The following SENP7 variants were observed in gnomAD, a reference collection of about 807,000 sequenced individuals.
The protein encoded by SENP7 is SUMO specific peptidase 7, also known as sentrin-specific protease 7.
SENP7 carries 64 observed loss-of-function variants against 141.2 expected under a neutral mutation model. The ratio of observed to expected loss-of-function variants is 0.45; its 90% CI spans 0.37 to 0.56. The LOEUF (loss-of-function observed/expected upper bound fraction) is 0.56. Ranked by LOEUF, SENP7 falls within the 20% of genes least tolerant of loss-of-function variation. The probability of loss-of-function intolerance (pLI) is 0.00; values close to 1 mark genes in which losing one functional copy is unlikely to be tolerated. For synonymous variants in SENP7, 382 were observed against 426.4 expected (o/e 0.90, Z 1.28); for missense variants, 1,025 against 1,212.2 (o/e 0.85, Z 2.29).
At chr3:101,403,217 A>C (rs754856854) in intron 5 of SENP7, among the ~76,000 whole-genome samples, 1 of 152,254 alleles carries the variant, frequency 6.6e-6, no homozygotes, top group Non-Finnish European at 1.5e-5. Flanking sequence ...TAGTGAATAT[A>C]TAATTATGTT....
At chr3:101,411,786 ACAGTAT>A (rs2061464213) in intron 5 of SENP7, among the ~76,000 whole-genome samples, 1 of 152,202 alleles carries the variant, frequency 6.6e-6, no homozygotes, top group Non-Finnish European at 1.5e-5. Context: ...AAGTATGTAA[ACAGTAT>A]CAGTACGTAA....
At chr3:101,408,293 A>G (rs1038643159) in intron 5 of SENP7, among the ~76,000 whole-genome samples, 2 of 152,064 alleles carry the variant, frequency 1.3e-5, no homozygotes, top group African/African-American at 2.4e-5. Context: ...TAATTTAAAC[A>G]TTACCAACAA....
chr3:101,398,557 TC>T (rs1192823119), intron 6 of SENP7, among the ~76,000 whole-genome samples: 1 of 152,134 alleles, frequency 6.6e-6, no homozygotes, highest in African/African-American at 2.4e-5. Flanking sequence ...TAGACTAATG[TC>T]AGAGGAATGG....
chr3:101,335,935 G>A (rs2059173302), intron 17 of SENP7, among the ~76,000 whole-genome samples: 1 of 152,152 alleles, frequency 6.6e-6, no homozygotes, highest in African/African-American at 2.4e-5. Flanking sequence ...TTCCAAACCT[G>A]TAAAGACACT....
In SENP7 at chr3:101,417,577, A is replaced by G; in HGVS notation, c.482+16T>C. 6.3e-7 allele frequency: 1 copy of G among 1,594,742 alleles called. No individual in the cohort carries two copies. The highest frequency in any genetic ancestry group is 1.1e-5 in the South Asian group (1 of 90,640). ...AAATGTGGTAAGTTGAACAAAATCA[A>G]TACTGAACAACATACCTTTCAGATA... On this transcript the variant is annotated intron_variant, in intron 5 of 23. Transcript: ENST00000394095.
rs962368694 is a variant in SENP7, at chr3:101,470,161, A to C, written c.187-11109T>G. On this transcript the variant is annotated intron_variant, in intron 3 of 23. Coordinates refer to ENST00000394095, the MANE Select transcript of SENP7 (RefSeq NM_020654.5). ...AATCGACACACTAACATCACAATTAAAAGAACTACAGAAGGAAGAGCAAAC... is the reference window on the plus strand; with the variant it reads ...AATCGACACACTAACATCACAATTACAAGAACTACAGAAGGAAGAGCAAAC... 9.2e-4 allele frequency among the ~76,000 whole-genome samples: 140 copies of C among 152,212 alleles called. 1 individual carries two copies. Among genetic ancestry groups the C allele is most frequent in the Non-Finnish European group, 4.4e-4 (30 of 68,048 alleles).
chr3:101,493,317 T>G (rs2065034009), intron 3 of SENP7, among the ~76,000 whole-genome samples: 1 of 152,092 alleles, frequency 6.6e-6, no homozygotes, highest in South Asian at 2.1e-4. Context: ...GGCGATGAAA[T>G]AATCTGTACA....
At chr3:101,397,362 G>A (rs1915311) in intron 6 of SENP7, among the ~76,000 whole-genome samples, 60,339 of 151,658 alleles carry the variant, frequency 0.4, 12,502 homozygotes, top group Admixed American at 0.54. Context: ...TGAACTCCTC[G>A]CCTCAAGTGA....
chr3:101,441,499 C>T (rs542709469), intron 4 of SENP7, among the ~76,000 whole-genome samples: 35 of 152,300 alleles, frequency 2.3e-4, no homozygotes, highest in African/African-American at 8.4e-4. Context: ...AGCCCATACA[C>T]ACTGTCAAGG....
At chr3:101,372,836 ACTT>A (rs2060217454) in intron 6 of SENP7, among the ~76,000 whole-genome samples, 1 of 151,988 alleles carries the variant, frequency 6.6e-6, no homozygotes, top group Admixed American at 6.5e-5. Context: ...TTTCTATAAT[ACTT>A]CTTTAAAAAC....
intron 3 of SENP7, among the ~76,000 whole-genome samples, chr3:101,468,794 C>A (rs2063861538): frequency 6.6e-6 from 1 of 152,132 alleles, no homozygotes. Context: ...GAAGAAACTG[C>A]ATAAATTAAC....
intron 1 of SENP7, among the ~76,000 whole-genome samples, chr3:101,512,406 T>C (rs1213919107): frequency 2.0e-5 from 3 of 152,226 alleles, no homozygotes; most frequent in African/African-American, 7.2e-5. Flanking sequence ...AAACTGAAGA[T>C]AGTCATTTAA....
chr3:101,405,687 G>A (rs2061280946), intron 5 of SENP7, among the ~76,000 whole-genome samples: 1 of 152,190 alleles, frequency 6.6e-6, no homozygotes, highest in Non-Finnish European at 1.5e-5. Context: ...AATGATACAA[G>A]AGGTGAAGGG....
rs1464669427 is a variant in SENP7 at position 101,372,105 on chromosome 3, T to G, written c.699A>C (p.Thr233=). The G allele has an allele frequency of 6.4e-7, 1 of 1,557,310 alleles. No individual in the cohort carries two copies. The highest frequency in any genetic ancestry group is 1.4e-5 in the African/African-American group (1 of 74,026). The change falls in exon 7 of 24, where the codon ACA becomes ACC. Residue 233 remains threonine (T), a synonymous_variant. Transcript: ENST00000394095. ...TCTGCTTTGCAGAATTGTCATCTAC[T>G]GTCTTACTTCGTTGTGAGCCCCTGC... ...LSERGSQRSK[T]VDDNSAKQTA...
rs561796903 is a variant in SENP7, at chr3:101,451,999, G to A, written c.284+6956C>T. ...AGCCCAAAATCTCCTTAAGCTGATA[G>A]GCAACTTCAGCAAAGTCTCAGGATA... is the stretch of plus-strand genomic sequence containing the variant. On this transcript the variant is annotated intron_variant, in intron 4 of 23. Transcript: ENST00000394095. Among the ~76,000 whole-genome samples, 618 of 152,252 alleles carry A rather than the reference G, an allele frequency of 4.1e-3. 4 individuals carry two copies. Among genetic ancestry groups the A allele is most frequent in the African/African-American group, 0.014 (583 of 41,532 alleles).
intron 4 of SENP7, among the ~76,000 whole-genome samples, chr3:101,433,424 T>G (rs760018160): frequency 9.3e-5 from 14 of 150,836 alleles, no homozygotes; most frequent in Non-Finnish European, 1.8e-4. Flanking sequence ...TTCTTACTTA[T>G]CAATAATAAC....
chr3:101,498,801 T>C (rs2065258180), intron 2 of SENP7, among the ~76,000 whole-genome samples: 1 of 152,180 alleles, frequency 6.6e-6, no homozygotes, highest in Non-Finnish European at 1.5e-5. Flanking sequence ...GCAGTGGCAT[T>C]AGATTCTCAT....
intron 3 of SENP7, among the ~76,000 whole-genome samples, chr3:101,462,739 A>G (rs985400843): frequency 1.3e-5 from 2 of 151,650 alleles, no homozygotes; most frequent in African/African-American, 4.8e-5. Flanking sequence ...GTGGTGGTGC[A>G]TGCCTGTAGT....
intron 13 of SENP7, 34 bp from the exon 14 acceptor site, chr3:101,343,988 A>G: frequency 7.5e-7 from 1 of 1,331,942 alleles, no homozygotes; most frequent in South Asian, 1.5e-5. Flanking sequence ...TATCAATAGT[A>G]TTATTTTTCA....
Sources: gnomAD v4.1 joint callset for allele counts (sites outside exome capture counted in the v4.1 genomes callset) on GRCh38, gnomAD v4.1.1 for gene constraint, MANE v1.5 for transcripts, NCBI Gene and HGNC (gene_info 2026-07-23, HGNC 2026-07-21) for gene names.